SRD5A2: variants seen among roughly 807,000 people sequenced by gnomAD.
SRD5A2 encodes steroid 5 alpha-reductase 2, also known as 3-oxo-5-alpha-steroid 4-dehydrogenase 2.
Under a neutral mutation model 27.4 loss-of-function variants are expected in SRD5A2, and 30 were observed. That is an observed-to-expected ratio of 1.10 (90% confidence interval 0.82 to 1.49). SRD5A2 has a LOEUF of 1.49. Among genes scored for constraint, SRD5A2 ranks in the 40% most tolerant of loss-of-function variants. The pLI, the probability that SRD5A2 is intolerant of heterozygous loss-of-function variation, is 0.00. For missense variants in SRD5A2, 348 were observed against 323.4 expected (o/e 1.08, Z -0.58); for synonymous variants, 141 against 133.6 (o/e 1.06, Z -0.38).
intron 4 of SRD5A2, chr2:31,527,737 C>G (rs565770681): frequency 6.6e-6 from 1 of 152,334 alleles, no homozygotes; most frequent in Admixed American, 6.5e-5. Flanking sequence ...GGCTAGGAAC[C>G]CTCTGCCACC....
At chr2:31,614,479 A>G in the SRD5A2 span, among the ~76,000 whole-genome samples, 7 of 152,158 alleles carry the variant, frequency 4.6e-5, no homozygotes, top group African/African-American at 1.4e-4. Context: ...CTGCTTTCAC[A>G]GGCTGGCATT....
chr2:31,529,813 AC>A (rs1372575766), intron 3 of SRD5A2, among the ~76,000 whole-genome samples: 4 of 152,082 alleles, frequency 2.6e-5, no homozygotes, highest in Non-Finnish European at 5.9e-5. Context: ...GCCACCTCTT[AC>A]CTCCCCGCTC....
chr2:31,535,555 G>A (rs1039825785), intron 1 of SRD5A2, among the ~76,000 whole-genome samples: 1 of 152,116 alleles, frequency 6.6e-6, no homozygotes, highest in Non-Finnish European at 1.5e-5. Flanking sequence ...AAAAGCTGAA[G>A]GGGAAAGAAA....
At chr2:31,630,167 T>A in the SRD5A2 span, among the ~76,000 whole-genome samples, 1 of 152,276 alleles carries the variant, frequency 6.6e-6, no homozygotes, top group Non-Finnish European at 1.5e-5. Context: ...TGCAATACAA[T>A]CTCCAAGCCT....
At chr2:31,532,608 G>C (rs972944491) in intron 2 of SRD5A2, among the ~76,000 whole-genome samples, 1 of 151,892 alleles carries the variant, frequency 6.6e-6, no homozygotes, top group Non-Finnish European at 1.5e-5. Context: ...GTCCCACAAA[G>C]AGGCCCAACC....
At chr2:31,550,776 C>T (rs557609687) in intron 1 of SRD5A2, among the ~76,000 whole-genome samples, 43 of 152,024 alleles carry the variant, frequency 2.8e-4, no homozygotes, top group East Asian at 5.8e-4. Flanking sequence ...AACATTATAT[C>T]GAACAGTCAG....
At chr2:31,618,170 T>C in the SRD5A2 span, among the ~76,000 whole-genome samples, 7 of 152,146 alleles carry the variant, frequency 4.6e-5, no homozygotes, top group Non-Finnish European at 1.0e-4. Context: ...AACTCCCATT[T>C]ATAAAACTAT....
chr2:31,654,298 G>C, the SRD5A2 span, among the ~76,000 whole-genome samples: 1 of 152,154 alleles, frequency 6.6e-6, no homozygotes, highest in Admixed American at 6.6e-5. Context: ...GCACTGGCAA[G>C]GATACACTAC....
intron 1 of SRD5A2, among the ~76,000 whole-genome samples, chr2:31,539,651 T>C (rs1666092379): frequency 6.6e-6 from 1 of 152,198 alleles, no homozygotes. Flanking sequence ...ATCCTCCTGC[T>C]GGCCTGGGTA....
At chr2:31,597,452 A>C in the SRD5A2 span, among the ~76,000 whole-genome samples, 1 of 152,050 alleles carries the variant, frequency 6.6e-6, no homozygotes, top group Non-Finnish European at 1.5e-5. Flanking sequence ...AACAAAGATA[A>C]ATATATGGGA....
At chr2:31,565,008 A>G (rs1453962253) in intron 1 of SRD5A2, among the ~76,000 whole-genome samples, 9 of 151,988 alleles carry the variant, frequency 5.9e-5, no homozygotes, top group Non-Finnish European at 1.5e-5. Context: ...CAAAAATAAT[A>G]GTAATAAGTT....
At chr2:31,612,975 T>G in the SRD5A2 span, among the ~76,000 whole-genome samples, 2 of 152,146 alleles carry the variant, frequency 1.3e-5, no homozygotes, top group Admixed American at 6.6e-5. Flanking sequence ...TGCAGAAGAA[T>G]GAAATTGGAC....
At chr2:31,613,144 A>T in the SRD5A2 span, among the ~76,000 whole-genome samples, 1 of 152,344 alleles carries the variant, frequency 6.6e-6, no homozygotes, top group East Asian at 1.9e-4. Flanking sequence ...AAGTACATGA[A>T]ACAGAAGCAA....
At position 31,534,163 on chromosome 2, in the gene SRD5A2, A is replaced by ATAAAGCC. The variant is rs1333073501; in HGVS notation, c.282-404_282-398dup. Among the ~76,000 whole-genome samples the ATAAAGCC allele has an allele frequency of 7.9e-5, 12 of 152,346 alleles. No homozygotes were observed. In the East Asian group the frequency reaches 2.3e-3, roughly 29 times the overall value. On this transcript the variant is annotated intron_variant, in intron 1 of 4. Coordinates refer to ENST00000622030, the MANE Select transcript of SRD5A2 (RefSeq NM_000348.4). ...AAATAAAAATAATTTATCAAAAATT[A>ATAAAGCC]TAAAGCCTATTAGTGATAGAGTAAG...
At chr2:31,640,740 CCAAGTTA>C in the SRD5A2 span, among the ~76,000 whole-genome samples, 4 of 152,086 alleles carry the variant, frequency 2.6e-5, no homozygotes. Context: ...TCTCCTTTGG[CCAAGTTA>C]CAAAGCAGAG....
intron 2 of SRD5A2, 94 bp downstream of exon 2, chr2:31,533,509 C>T (rs559049310): frequency 1.2e-5 from 14 of 1,152,444 alleles, no homozygotes; most frequent in African/African-American, 7.7e-5. Flanking sequence ...GGGATCATTA[C>T]GAGGTCATTG....
the SRD5A2 span, among the ~76,000 whole-genome samples, chr2:31,614,811 G>C: frequency 6.6e-6 from 1 of 151,980 alleles, no homozygotes; most frequent in East Asian, 1.9e-4. Context: ...CAATGATATG[G>C]TTTGGCAGTG....
rs972959533 is a variant in SRD5A2 at position 31,544,121 on chromosome 2, A to G, written c.282-10355T>C. 3.3e-5 allele frequency among the ~76,000 whole-genome samples: 5 copies of G among 152,098 alleles called. No homozygotes were observed. The East Asian group carries it at 9.6e-4, about 29-fold the overall frequency. On this transcript the variant is annotated intron_variant, in intron 1 of 4. Transcript: ENST00000622030. ...AAAAGTACTTAATCTTAAAAGGTTC[A>G]GTATAGCAAGAAGATAGAAGACTTA...
the SRD5A2 span, among the ~76,000 whole-genome samples, chr2:31,639,192 G>A: frequency 6.6e-6 from 1 of 151,990 alleles, no homozygotes; most frequent in Non-Finnish European, 1.5e-5. Context: ...CACAGGCAAA[G>A]ACAAATACAC....
Sources: allele counts gnomAD v4.1 joint callset (sites outside exome capture counted in the v4.1 genomes callset), GRCh38; gene constraint gnomAD v4.1.1; transcripts MANE v1.5; gene names NCBI Gene and HGNC (gene_info 2026-07-23, HGNC 2026-07-21).